ENGASE: variants seen among roughly 807,000 people sequenced by gnomAD.
ENGASE encodes the protein endo-beta-N-acetylglucosaminidase.
ENGASE carries 69 observed loss-of-function variants against 78.5 expected under a neutral mutation model. The observed-to-expected ratio is 0.88, with a 90% confidence interval of 0.72 to 1.07. ENGASE has a LOEUF of 1.07. Among genes scored for constraint, ENGASE ranks in the 50% least tolerant of loss-of-function variants. The pLI is 0.00. For missense variants in ENGASE, 943 were observed against 988.4 expected (o/e 0.95, Z 0.62); for synonymous variants, 408 against 408.9 (o/e 1.00, Z 0.03).
rs116227347 is a variant in ENGASE at position 79,083,348 on chromosome 17, A to G, written c.1143-134A>G. Reference sequence around the variant, plus strand: ...GTTTGCAGCGTATCTGTAGACGGGGAGGCTGCAGTCCTCCTGGAAGTCCTG... The same window carrying G: ...GTTTGCAGCGTATCTGTAGACGGGGGGGCTGCAGTCCTCCTGGAAGTCCTG... On this transcript the variant is annotated intron_variant, in intron 8 of 13. Transcript: ENST00000579016. The surrounding 1 kb of genome is among the most constrained non-coding windows in gnomAD (Gnocchi z 4.9). 0.02 allele frequency: 14,811 copies of G among 724,382 alleles called. 1,424 individuals carry two copies. The African/African-American group carries it at 0.22, about 11-fold the overall frequency. 44.9% of individuals were successfully genotyped at this position (724,382 alleles called of 1,614,324 possible). A position where few individuals can be genotyped will look rare whatever the true frequency, so the allele number is the denominator to read the frequency against.
rs1481183931 is a variant in ENGASE, at chr17:79,086,762, T to C, written c.*413T>C. 3 of 366,028 alleles carry C rather than the reference T, an allele frequency of 8.2e-6. No individual in the cohort carries two copies. Among genetic ancestry groups the C allele is most frequent in the Non-Finnish European group, 1.6e-5 (3 of 186,128 alleles). 22.7% of individuals were successfully genotyped at this position (366,028 alleles called of 1,614,324 possible). On this transcript the variant is annotated 3_prime_UTR_variant, in exon 14 of 14. Transcript: ENST00000579016. ...GAAACTATTAGAAAGGGTCTTAGAT[T>C]GTGGCAGGTAGGCTTTGGAGCAGGC...
Position 79,079,600 on chromosome 17 carries a change from G to T in ENGASE, c.528G>T (p.Trp176Cys). ...HHTVTIPPVG[W>C]TNTAHRHGVC... The stretch of plus-strand genomic sequence containing the variant: ...CCGTCACCATTCCCCCAGTGGGCTG[G>T]ACCAACACTGCCCACAGGCATGGGG... The change falls in exon 4 of 14, where the codon TGG (tryptophan) becomes TGT (cysteine). Residue 176 changes from tryptophan (W) to cysteine (C), a missense_variant. Transcript: ENST00000579016. The T allele has an allele frequency of 6.2e-7, 1 of 1,613,938 alleles. No individual in the cohort carries two copies. The highest frequency in any genetic ancestry group is 8.5e-7 in the Non-Finnish European group (1 of 1,180,000).
Position 79,085,650 on chromosome 17 carries a change from G to A in ENGASE, c.1731G>A (p.Leu577=). The A allele has an allele frequency of 1.2e-6, 2 of 1,613,974 alleles. No individual in the cohort carries two copies. Among genetic ancestry groups the A allele is most frequent in the Non-Finnish European group, 1.7e-6 (2 of 1,180,014 alleles). ...HCYEVSLRGC[L]LLDLLVCFSR... Reference sequence around the variant, plus strand: ...ACGAGGTGAGCCTGCGTGGGTGCCTGCTGCTAGACCTCCTCGTTTGCTTCT... The same window carrying A: ...ACGAGGTGAGCCTGCGTGGGTGCCTACTGCTAGACCTCCTCGTTTGCTTCT... The change falls in exon 13 of 14, where the codon CTG becomes CTA. Residue 577 remains leucine, a synonymous_variant. Transcript: ENST00000579016.
chr17:79,084,798 T>C (rs940197020), intron 11 of ENGASE, 112 bp downstream of exon 11: 1 of 1,214,342 alleles, frequency 8.2e-7, no homozygotes, highest in Non-Finnish European at 1.2e-6. Context: ...AGTGGGGGGG[T>C]ACATCCTGCC....
intron 1 of ENGASE, among the ~76,000 whole-genome samples, chr17:79,077,226 C>T (rs1323351751): frequency 6.6e-6 from 1 of 152,174 alleles, no homozygotes; most frequent in East Asian, 1.9e-4. Context: ...ATGTGGAAGC[C>T]AAGCCCTGGT....
Position 79,081,224 on chromosome 17 carries a change from C to T in ENGASE, c.872+151C>T, listed in dbSNP as rs866960101. 3.0e-5 allele frequency: 32 copies of T among 1,073,078 alleles called. No individual in the cohort carries two copies. In the African/African-American group the frequency reaches 3.7e-4, roughly 12 times the overall value. The allele number at this position is 1,073,078 out of a possible 1,614,324, so 66.5% of individuals were successfully genotyped here. On this transcript the variant is annotated intron_variant, in intron 6 of 13. Transcript: ENST00000579016. ...GGGTAAAAAGAGGGAGAAGGTGGGC[C>T]AGGCGCAGTGGCTCATGTCTGTAAT...
chr17:79,078,706 T>C (rs1052064836), intron 3 of ENGASE, among the ~76,000 whole-genome samples: 6 of 152,192 alleles, frequency 3.9e-5, no homozygotes, highest in Non-Finnish European at 8.8e-5. Context: ...CTGTGATTGA[T>C]GGGAAGGCTT....
rs528636638 is a variant in ENGASE at position 79,083,364 on chromosome 17, G to A, written c.1143-118G>A. ...TAGACGGGGAGGCTGCAGTCCTCCT[G>A]GAAGTCCTGTCTTGGAGGGTGCAGG... On this transcript the variant is annotated intron_variant, in intron 8 of 13. Transcript: ENST00000579016. The surrounding 1 kb of genome is among the most constrained non-coding windows in gnomAD (Gnocchi z 4.9). 1.0e-4 allele frequency: 80 copies of A among 775,810 alleles called. 1 individual carries two copies. Among genetic ancestry groups the A allele is most frequent in the African/African-American group, 5.1e-4 (29 of 57,308 alleles). 48.1% of individuals were successfully genotyped at this position (775,810 alleles called of 1,614,324 possible). A position where few individuals can be genotyped will look rare whatever the true frequency, so the allele number is the denominator to read the frequency against.
chr17:79,078,088 C>T (rs1344981021), intron 3 of ENGASE, among the ~76,000 whole-genome samples: 1 of 152,122 alleles, frequency 6.6e-6, no homozygotes, highest in Non-Finnish European at 1.5e-5. Context: ...ACCTATAATC[C>T]CAGCACTTTG....
chr17:79,077,601 A>G (rs894442978), intron 2 of ENGASE, 62 bp from the exon 3 acceptor site: 20 of 1,597,802 alleles, frequency 1.3e-5, no homozygotes, highest in Non-Finnish European at 1.6e-5. Context: ...TATTGTTAAA[A>G]TGTTTCGATT....
At chr17:79,082,382 T>A in intron 7 of ENGASE, 1 of 1,266,586 alleles carries the variant, frequency 7.9e-7, no homozygotes, top group Non-Finnish European at 1.0e-6. Flanking sequence ...TCCTTGATCT[T>A]CCCCGTGAGG....
At position 79,083,615 on chromosome 17, in the gene ENGASE, T is replaced by C. The variant is rs745788220; in HGVS notation, c.1251+25T>C. On this transcript the variant is annotated intron_variant, in intron 9 of 13. Transcript: ENST00000579016. This position sits in a 1 kb window ranked among gnomAD's most constrained non-coding sequence, Gnocchi z 4.9. ...GGTGGGTGGGTGTCTTCCCTCCGTG[T>C]CTGTCCTCTGGCCTCAGCTGGGACA... 5.0e-6 allele frequency: 8 copies of C among 1,601,210 alleles called. No homozygotes were observed. The highest frequency in any genetic ancestry group is 1.7e-4 in the Middle Eastern group (1 of 6,032).
chr17:79,085,442 G>T, intron 12 of ENGASE, 100 bp downstream of exon 12: 1 of 1,338,330 alleles, frequency 7.5e-7, no homozygotes, highest in Non-Finnish European at 1.0e-6. Context: ...TGGCCCCCAG[G>T]TTTTGGGCAG....
chr17:79,080,941 A>G lies in ENGASE; in HGVS notation c.740A>G (p.Asn247Ser). 1 of 1,612,912 alleles carries G rather than the reference A, an allele frequency of 6.2e-7. No individual in the cohort carries two copies. Residue 247 changes from asparagine to serine, a missense_variant, in exon 6 of 14, where the codon AAC becomes AGC. By Grantham distance (46) the Asn-to-Ser change is conservative. Coordinates refer to ENST00000579016, the MANE Select transcript of ENGASE (RefSeq NM_001042573.3). ...ENSLSLAAVG[N>S]MPPFLRYLTT... Reference sequence around the variant, plus strand: ...CTCTTTCAGCTGGCCGCTGTGGGGAACATGCCTCCTTTCCTGCGGTACCTC... The same window carrying G: ...CTCTTTCAGCTGGCCGCTGTGGGGAGCATGCCTCCTTTCCTGCGGTACCTC...
At chr17:79,079,716 G>A (rs2073075654) in intron 4 of ENGASE, 79 bp downstream of exon 4, 6 of 1,545,308 alleles carry the variant, frequency 3.9e-6, no homozygotes, top group East Asian at 2.3e-5. Flanking sequence ...TAGGAGGCAC[G>A]GGCTTTGCCT....
In ENGASE at chr17:79,086,566, C is replaced by A; in HGVS notation, c.*217C>A. 1.7e-6 allele frequency: 1 copy of A among 603,578 alleles called. No homozygotes were observed. Among genetic ancestry groups the A allele is most frequent in the South Asian group, 2.1e-5 (1 of 47,056 alleles). 37.4% of individuals were successfully genotyped at this position (603,578 alleles called of 1,614,324 possible). A position where few individuals can be genotyped will look rare whatever the true frequency, so the allele number is the denominator to read the frequency against. On this transcript the variant is annotated 3_prime_UTR_variant, in exon 14 of 14. Coordinates refer to ENST00000579016, the MANE Select transcript of ENGASE (RefSeq NM_001042573.3). ...AGTGGGATCGCAGCGTTGGTCACTG[C>A]GAGGCGAGTGGCGGGCTTTCTGTTT...
rs1280054385 is a variant in ENGASE at position 79,077,691 on chromosome 17, AC to A, written c.245del (p.Pro82GlnfsTer37). 1 of 1,614,052 alleles carries A rather than the reference AC, an allele frequency of 6.2e-7. No homozygotes were observed. Among genetic ancestry groups the A allele is most frequent in the African/African-American group, 1.3e-5 (1 of 74,930 alleles). ...VRYYDKDTTK[P>X]ISFYLSSLEE... Reference sequence around the variant, plus strand: ...GATATTATGACAAGGACACCACCAAACCAATCAGCTTTTACTTGTCTTCGCT... The same window carrying A: ...GATATTATGACAAGGACACCACCAAACAATCAGCTTTTACTTGTCTTCGCT... On this transcript the variant is annotated frameshift_variant, in exon 3 of 14. Coordinates refer to ENST00000579016, the MANE Select transcript of ENGASE (RefSeq NM_001042573.3). LOFTEE classifies it high-confidence loss of function.
Position 79,083,427 on chromosome 17 carries a change from T to C in ENGASE, c.1143-55T>C, listed in dbSNP as rs575852284. On this transcript the variant is annotated intron_variant, in intron 8 of 13. Transcript: ENST00000579016. This position sits in a 1 kb window ranked among gnomAD's most constrained non-coding sequence, Gnocchi z 4.9. ...TTCCACCAGCAAGTTTGAGGGACAC[T>C]GAGAGGCTCCCTCCCTTCCTCCGGA... 7.1e-7 allele frequency: 1 copy of C among 1,406,828 alleles called. No homozygotes were observed. Among genetic ancestry groups the C allele is most frequent in the South Asian group, 1.2e-5 (1 of 82,596 alleles). The allele number at this position is 1,406,828 out of a possible 1,614,324, so 87.1% of individuals were successfully genotyped here.
Position 79,077,516 on chromosome 17 carries a change from T to C in ENGASE, c.214+19T>C. ...CTGCCAGGTGAGGAGACAGAGGCTC[T>C]GAATACCGATCCACCTTCACACCTG... On this transcript the variant is annotated intron_variant, in intron 2 of 13. Transcript: ENST00000579016. 6.5e-7 allele frequency: 1 copy of C among 1,548,264 alleles called. No homozygotes were observed. The highest frequency in any genetic ancestry group is 8.7e-7 in the Non-Finnish European group (1 of 1,151,314).
Sources: gnomAD v4.1 joint callset for allele counts (sites outside exome capture counted in the v4.1 genomes callset) on GRCh38, gnomAD v4.1.1 for gene constraint, Gnocchi (gnomAD v3.1) non-coding constraint, MANE v1.5 for transcripts, NCBI Gene and HGNC (gene_info 2026-07-23, HGNC 2026-07-21) for gene names.